The following INSIG1 variants were observed in gnomAD, a reference collection of about 807,000 sequenced individuals.
The protein encoded by INSIG1 is insulin-induced gene 1 protein.
INSIG1 carries 14 observed loss-of-function variants against 26.5 expected under a neutral mutation model. That is an observed-to-expected ratio of 0.53 (90% confidence interval 0.35 to 0.83). The LOEUF (loss-of-function observed/expected upper bound fraction) is 0.83, where lower values mean the gene tolerates loss of function less well. Ranked by LOEUF, INSIG1 falls within the 40% of genes least tolerant of loss-of-function variation. The pLI is 0.01. For synonymous variants in INSIG1, 147 were observed against 153.3 expected (o/e 0.96, Z 0.30); for missense variants, 272 against 368.9 (o/e 0.74, Z 2.15).
At chr7:155,303,762 C>A in intron 5 of INSIG1, 6 of 891,566 alleles carry the variant, frequency 6.7e-6, no homozygotes, top group South Asian at 1.6e-5. Flanking sequence ...CGGAGATAAG[C>A]TCTGGGAAAA....
chr7:155,298,844 G>A, intron 2 of INSIG1, 147 bp downstream of exon 2: 1 of 930,066 alleles, frequency 1.1e-6, no homozygotes. Flanking sequence ...TTAGAGAAAT[G>A]AAGGAGGGGT....
At chr7:155,300,287 CATCAGCCA>C (rs1797749070) in intron 2 of INSIG1, among the ~76,000 whole-genome samples, 1 of 151,822 alleles carries the variant, frequency 6.6e-6, no homozygotes, top group African/African-American at 2.4e-5. Context: ...TTTTTTAAAC[CATCAGCCA>C]AGAGCATAAG....
At chr7:155,303,698 A>G (rs1329618830) in intron 5 of INSIG1, 1 of 312,846 alleles carries the variant, frequency 3.2e-6, no homozygotes, top group Admixed American at 4.6e-5. Flanking sequence ...TGACTTTGGC[A>G]GGCTGAAAGA....
Position 155,302,646 on chromosome 7 carries a change from G to C in INSIG1, c.705-101G>C. 1 of 928,658 alleles carries C rather than the reference G, an allele frequency of 1.1e-6. No homozygotes were observed. 57.5% of individuals were successfully genotyped at this position (928,658 alleles called of 1,614,324 possible). A position where few individuals can be genotyped will look rare whatever the true frequency, so the allele number is the denominator to read the frequency against. ...ATATGAACATTCGTAACATTGGATG[G>C]TTGATATGCGTTCTGCATATCCCCA... On this transcript the variant is annotated intron_variant, in intron 4 of 5. Coordinates refer to ENST00000340368, the MANE Select transcript of INSIG1 (RefSeq NM_005542.6). The surrounding 1 kb of genome is among the most constrained non-coding windows in gnomAD (Gnocchi z 4.3).
At chr7:155,300,673 C>G (rs1157209442) in intron 2 of INSIG1, among the ~76,000 whole-genome samples, 1 of 152,188 alleles carries the variant, frequency 6.6e-6, no homozygotes, top group African/African-American at 2.4e-5. Flanking sequence ...GAATGCCATT[C>G]CTTCCCACCT....
At chr7:155,304,909 G>A (rs1446312478) in intron 5 of INSIG1, among the ~76,000 whole-genome samples, 2 of 151,598 alleles carry the variant, frequency 1.3e-5, no homozygotes, top group African/African-American at 4.9e-5. Flanking sequence ...AGGCTGAGGC[G>A]GGCGGATCAC....
At chr7:155,300,688 A>G (rs1481655290) in intron 2 of INSIG1, among the ~76,000 whole-genome samples, 3 of 152,152 alleles carry the variant, frequency 2.0e-5, no homozygotes, top group African/African-American at 7.2e-5. Context: ...CCACCTGTCC[A>G]AATTCCAAGT....
chr7:155,305,292 G>T (rs1449493481), intron 5 of INSIG1, among the ~76,000 whole-genome samples: 2 of 151,964 alleles, frequency 1.3e-5, no homozygotes, highest in Admixed American at 1.3e-4. Context: ...CTTACCTCTG[G>T]ATCCCAACTG....
At chr7:155,301,807 C>T in intron 3 of INSIG1, 117 bp downstream of exon 3, 1 of 949,752 alleles carries the variant, frequency 1.1e-6, no homozygotes, top group Non-Finnish European at 1.4e-6. Flanking sequence ...GATGGTGGTA[C>T]CTACCCATTT....
Position 155,302,288 on chromosome 7 carries a change from C to A in INSIG1, c.575C>A (p.Thr192Asn). The A allele has an allele frequency of 6.3e-7, 1 of 1,598,802 alleles. No homozygotes were observed. Among genetic ancestry groups the A allele is most frequent in the Non-Finnish European group, 8.5e-7 (1 of 1,174,136 alleles). ...GCCAATAATGTCCAGCTGTCCTTGA[C>A]TTTAGCAGCCCTATCTTTGGGCCTT... ...DFANNVQLSL[T>N]LAALSLGLWW... The change falls in exon 4 of 6, where the codon ACT becomes AAT. Residue 192 changes from threonine to asparagine, a missense_variant. Physicochemically the swap from Thr to Asn is moderately conservative, Grantham distance 65. Coordinates refer to ENST00000340368, the MANE Select transcript of INSIG1 (RefSeq NM_005542.6). The surrounding 1 kb of genome is among the most constrained non-coding windows in gnomAD (Gnocchi z 4.3).
At chr7:155,306,932 G>A (rs1001354055) in intron 5 of INSIG1, among the ~76,000 whole-genome samples, 2 of 152,204 alleles carry the variant, frequency 1.3e-5, no homozygotes, top group Non-Finnish European at 2.9e-5. Context: ...TGTCAGGTCC[G>A]CCCGGGCTGG....
At chr7:155,301,106 A>T (rs1200921483) in intron 2 of INSIG1, among the ~76,000 whole-genome samples, 1 of 152,212 alleles carries the variant, frequency 6.6e-6, no homozygotes, top group Non-Finnish European at 1.5e-5. Flanking sequence ...CAGCCCCAGT[A>T]CTGGGTGGTG....
rs1239924104 is a variant in INSIG1 at position 155,307,125 on chromosome 7, T to C, written c.805-1116T>C. ...TCTTTTGTTTTCTCACCGCAGTTTG[T>C]ATAGAACCCTCCCAGTGTTCATATC... On this transcript the variant is annotated intron_variant, in intron 5 of 5. Coordinates refer to ENST00000340368, the MANE Select transcript of INSIG1 (RefSeq NM_005542.6). 3.3e-5 allele frequency among the ~76,000 whole-genome samples: 5 copies of C among 152,244 alleles called. No individual in the cohort carries two copies. The East Asian group carries it at 9.6e-4, about 29-fold the overall frequency.
Position 155,309,501 on chromosome 7 carries a change from G to GT in INSIG1, c.*1234dup, listed in dbSNP as rs1371248394. The GT allele has an allele frequency of 6.6e-6, 1 of 152,512 alleles. No individual in the cohort carries two copies. Among genetic ancestry groups the GT allele is most frequent in the Admixed American group, 6.6e-5 (1 of 15,266 alleles). 9.4% of individuals were successfully genotyped at this position (152,512 alleles called of 1,614,324 possible). A position where few individuals can be genotyped will look rare whatever the true frequency, so the allele number is the denominator to read the frequency against. On this transcript the variant is annotated 3_prime_UTR_variant, in exon 6 of 6. Transcript: ENST00000340368. The stretch of plus-strand genomic sequence containing the variant: ...CCTTCGAAATACTCCAGTTTTGTGG[G>GT]TTTGGTCATTTTTACTTATAAATTT...
intron 5 of INSIG1, chr7:155,303,829 T>C: frequency 7.3e-7 from 1 of 1,363,746 alleles, no homozygotes; most frequent in Non-Finnish European, 9.8e-7. Flanking sequence ...TGCCAGCTGA[T>C]ACCCTTCTGT....
At chr7:155,303,615 A>G (rs899384491) in intron 5 of INSIG1, among the ~76,000 whole-genome samples, 1 of 152,084 alleles carries the variant, frequency 6.6e-6, no homozygotes, top group Non-Finnish European at 1.5e-5. Context: ...AGCAGTTCTC[A>G]TTAGTTAAAA....
At chr7:155,306,897 C>T (rs1797951102) in intron 5 of INSIG1, among the ~76,000 whole-genome samples, 1 of 152,210 alleles carries the variant, frequency 6.6e-6, no homozygotes, top group African/African-American at 2.4e-5. Flanking sequence ...CATTAGGCAA[C>T]ACTGCTGGAA....
chr7:155,301,713 C>T (rs923792664), intron 3 of INSIG1, 23 bp downstream of exon 3: 12 of 1,528,362 alleles, frequency 7.9e-6, no homozygotes, highest in Admixed American at 1.9e-5. Flanking sequence ...TTCTGTGCTA[C>T]GTCCAGAGTA....
In INSIG1 at chr7:155,302,125, G is replaced by T; in HGVS notation, c.538-126G>T. 1.5e-6 allele frequency: 1 copy of T among 684,972 alleles called. No homozygotes were observed. Among genetic ancestry groups the T allele is most frequent in the Admixed American group, 3.6e-5 (1 of 27,452 alleles). The allele number at this position is 684,972 out of a possible 1,614,324, so 42.4% of individuals were successfully genotyped here. On this transcript the variant is annotated intron_variant, in intron 3 of 5. Transcript: ENST00000340368. The surrounding 1 kb of genome is among the most constrained non-coding windows in gnomAD (Gnocchi z 4.3). Reference sequence around the variant, plus strand: ...AATCCTTTCTTTAGCTTATTACACAGTTTTTATGGACAGTGAATTATCTGT... The same window carrying T: ...AATCCTTTCTTTAGCTTATTACACATTTTTTATGGACAGTGAATTATCTGT...
Sources: allele counts gnomAD v4.1 joint callset (sites outside exome capture counted in the v4.1 genomes callset), GRCh38; gene constraint gnomAD v4.1.1; non-coding constraint Gnocchi (gnomAD v3.1); transcripts MANE v1.5; gene names NCBI Gene and HGNC (gene_info 2026-07-23, HGNC 2026-07-21).